Variants in MRC2 observed in about 807,000 individuals in gnomAD.
The protein encoded by MRC2 is mannose receptor C-type 2.
Under a neutral mutation model 206.2 loss-of-function variants are expected in MRC2, and 84 were observed. That is an observed-to-expected ratio of 0.41 (90% CI 0.34 to 0.49). MRC2 has a LOEUF of 0.49. Among genes scored for constraint, MRC2 ranks in the 20% least tolerant of loss-of-function variants. The pLI is 0.31. For synonymous variants in MRC2, 798 were observed against 800.0 expected, an observed-to-expected ratio of 1.00 and a Z score of 0.04; for missense variants, 1,676 against 2,001.5, an observed-to-expected ratio of 0.84 and a Z score of 3.10.
intron 1 of MRC2, among the ~76,000 whole-genome samples, chr17:62,645,897 C>G (rs1039842022): frequency 6.6e-6 from 1 of 151,884 alleles, no homozygotes; most frequent in African/African-American, 2.4e-5. Flanking sequence ...GTTCTTCTTT[C>G]ATTCAGGAAT....
chr17:62,691,113 T>C lies in MRC2; in HGVS notation c.4177T>C (p.Cys1393Arg). 1.9e-6 allele frequency: 3 copies of C among 1,606,680 alleles called. No homozygotes were observed. Among genetic ancestry groups the C allele is most frequent in the Non-Finnish European group, 2.5e-6 (3 of 1,177,470 alleles). ...CACCAACATCACCATGGGTGTCGTC[T>C]GCAAGCTTCCTCGTGGTGAGCGCCG... ...ACTNITMGVV[C>R]KLPRAEQSSF... Residue 1393 changes from cysteine to arginine, a missense_variant, in exon 28 of 30, where the codon TGC becomes CGC. Coordinates refer to ENST00000303375, the MANE Select transcript of MRC2 (RefSeq NM_006039.5).
chr17:62,634,436 G>A (rs1262941250), intron 1 of MRC2, among the ~76,000 whole-genome samples: 1 of 152,106 alleles, frequency 6.6e-6, no homozygotes, highest in Non-Finnish European at 1.5e-5. Flanking sequence ...AAGTAGCTGG[G>A]ACTGTAGGCA....
At chr17:62,645,787 G>A (rs1035942015) in intron 1 of MRC2, among the ~76,000 whole-genome samples, 10 of 151,288 alleles carry the variant, frequency 6.6e-5, no homozygotes, top group African/African-American at 2.4e-4. Context: ...CAATCCACCT[G>A]CCTCAGCTTC....
rs187923277 is a variant in MRC2, at chr17:62,676,990, T to C, written c.1835-279T>C. 3.9e-5 allele frequency among the ~76,000 whole-genome samples: 6 copies of C among 152,396 alleles called. No individual in the cohort carries two copies. In the South Asian group the frequency reaches 6.2e-4, roughly 16 times the overall value. On this transcript the variant is annotated intron_variant, in intron 11 of 29. Transcript: ENST00000303375. ...TATTATTACCATTTCACATTCATTA[T>C]CTTTCTAACCCCTTCAATAACCTGA...
chr17:62,645,527 ATT>A (rs1164231785), intron 1 of MRC2, among the ~76,000 whole-genome samples: 30 of 39,486 alleles, frequency 7.6e-4, no homozygotes, highest in East Asian at 4.0e-3. Context: ...ATATATATAT[ATT>A]TTTTTTTTTT....
In MRC2 at chr17:62,652,299, G is replaced by T. The variant is rs868731252; in HGVS notation, c.119-12249G>T. Among the ~76,000 whole-genome samples the T allele has an allele frequency of 3.3e-4, 50 of 152,376 alleles. No homozygotes were observed. The highest frequency in any genetic ancestry group is 1.2e-3 in the African/African-American group (49 of 41,596). On this transcript the variant is annotated intron_variant, in intron 1 of 29. Transcript: ENST00000303375. The surrounding 1 kb of genome is among the most constrained non-coding windows in gnomAD (Gnocchi z 4.6). The stretch of plus-strand genomic sequence containing the variant: ...GAAAGGGCAGGCGCACAACACCCCC[G>T]CACGGAGAAATGAACAGGTGTGGCT...
intron 1 of MRC2, among the ~76,000 whole-genome samples, chr17:62,658,585 C>T (rs1224688517): frequency 1.3e-5 from 2 of 152,178 alleles, no homozygotes; most frequent in East Asian, 3.8e-4. Flanking sequence ...CTTCATTCAC[C>T]GTTTGCTACA....
Position 62,688,854 on chromosome 17 carries a change from C to A in MRC2, c.3228C>A (p.Thr1076=). The A allele has an allele frequency of 1.2e-6, 2 of 1,610,060 alleles. No individual in the cohort carries two copies. Among genetic ancestry groups the A allele is most frequent in the South Asian group, 2.2e-5 (2 of 90,532 alleles). ...CCTGAGCAGCTCCCTCCCCCCAGACCAGCTGTGCAGTGGTCCTGCACAGCC... is the reference window on the plus strand; with the variant it reads ...CCTGAGCAGCTCCCTCCCCCCAGACAAGCTGTGCAGTGGTCCTGCACAGCC... ...PSPAPSGNKP[T]SCAVVLHSPS... Residue 1076 remains threonine, a splice_region_variant and synonymous_variant, in exon 23 of 30, where the codon ACC becomes ACA. Transcript: ENST00000303375.
chr17:62,629,423 C>T (rs1039599780), intron 1 of MRC2, among the ~76,000 whole-genome samples: 1 of 152,214 alleles, frequency 6.6e-6, no homozygotes, highest in Non-Finnish European at 1.5e-5. Flanking sequence ...CCTGGAGTGT[C>T]CCTCCTCCTC....
intron 1 of MRC2, among the ~76,000 whole-genome samples, chr17:62,662,400 C>G (rs2088691934): frequency 1.3e-5 from 2 of 152,196 alleles, no homozygotes; most frequent in Admixed American, 1.3e-4. Context: ...AATCTTACGA[C>G]TCTTGTCATC....
intron 6 of MRC2, among the ~76,000 whole-genome samples, chr17:62,668,877 C>A (rs1336956035): frequency 6.6e-6 from 1 of 152,160 alleles, no homozygotes; most frequent in Non-Finnish European, 1.5e-5. Flanking sequence ...GCAGCTTAGT[C>A]TCTGGGGTGC....
At chr17:62,634,854 G>A (rs1201543157) in intron 1 of MRC2, among the ~76,000 whole-genome samples, 1 of 148,152 alleles carries the variant, frequency 6.7e-6, no homozygotes, top group Non-Finnish European at 1.5e-5. Context: ...TTTTTAGGAC[G>A]GAGTCTCCCT....
chr17:62,688,542 T>C lies in MRC2; in HGVS notation c.3103T>C (p.Trp1035Arg). 6.2e-7 allele frequency: 1 copy of C among 1,614,224 alleles called. No homozygotes were observed. The highest frequency in any genetic ancestry group is 8.5e-7 in the Non-Finnish European group (1 of 1,180,022). Residue 1035 changes from tryptophan (W) to arginine (R), a missense_variant, in exon 22 of 30, where the codon TGG (tryptophan) becomes CGG (arginine). By Grantham distance (101) the Trp-to-Arg change is moderately radical. This residue lies in a region of MRC2 where 1,354 missense variants were observed against 1,636.6 expected (regional missense o/e 0.83). Coordinates refer to ENST00000303375, the MANE Select transcript of MRC2 (RefSeq NM_006039.5). ...ASLPNVTFDL[W>R]IGLHASQRDF... ...CCTGCCCAATGTGACCTTTGACCTTTGGATTGGCCTCCATGCCTCGCAGAG... is the reference window on the plus strand; with the variant it reads ...CCTGCCCAATGTGACCTTTGACCTTCGGATTGGCCTCCATGCCTCGCAGAG...
chr17:62,627,832 C>T lies in MRC2; in HGVS notation c.30C>T (p.Pro10=). ...GGCCCGGCCGGCCGGCCCCCGCGCC[C>T]TGGCCTCGTCACCTGCTGCGCTGCG... MGPGRPAPA[P]WPRHLLRCVL... is the part of the protein sequence containing the mutation. Residue 10 remains proline (P), a synonymous_variant, in exon 1 of 30, where the codon CCC becomes CCT. Transcript: ENST00000303375. The T allele has an allele frequency of 6.8e-7, 1 of 1,465,382 alleles. No homozygotes were observed. Among genetic ancestry groups the T allele is most frequent in the Admixed American group, 2.5e-5 (1 of 39,592 alleles). The allele number at this position is 1,465,382 out of a possible 1,614,324, so 90.8% of individuals were successfully genotyped here.
chr17:62,645,409 A>T (rs901886883), intron 1 of MRC2, among the ~76,000 whole-genome samples: 7 of 148,968 alleles, frequency 4.7e-5, no homozygotes, highest in African/African-American at 1.7e-4. Context: ...TCATCTCAAA[A>T]ATATATATAT....
At position 62,675,835 on chromosome 17, in the gene MRC2, C is replaced by G. The variant is rs1302473165; in HGVS notation, c.1615C>G (p.Gln539Glu). The stretch of plus-strand genomic sequence containing the variant: ...ATCCTGCTACTGGCTGGGAGAAGAC[C>G]AAGTGACCTACAGTGAGGCCCGGCG... ...SPSCYWLGED[Q>E]VTYSEARRLC... is the part of the protein sequence containing the mutation. The change falls in exon 10 of 30, where the codon CAA becomes GAA. Residue 539 changes from glutamine to glutamate, a missense_variant. Gln to Glu is a conservative substitution (Grantham distance 29, BLOSUM62 2). Around this residue, in one of 3 missense-constraint regions of MRC2, gnomAD observed 1,354 missense variants for 1,636.6 expected, o/e 0.83. Coordinates refer to ENST00000303375, the MANE Select transcript of MRC2 (RefSeq NM_006039.5). This position sits in a 1 kb window ranked among gnomAD's most constrained non-coding sequence, Gnocchi z 4.1. The G allele has an allele frequency of 1.2e-6, 2 of 1,614,056 alleles. No homozygotes were observed. The highest frequency in any genetic ancestry group is 1.7e-6 in the Non-Finnish European group (2 of 1,180,026).
chr17:62,643,202 C>T (rs1167100029), intron 1 of MRC2, among the ~76,000 whole-genome samples: 2 of 151,848 alleles, frequency 1.3e-5, no homozygotes, highest in Admixed American at 6.6e-5. Context: ...GCGGCAGGTG[C>T]CTGTAATCTC....
At chr17:62,641,620 A>G (rs1332751912) in intron 1 of MRC2, among the ~76,000 whole-genome samples, 1 of 152,226 alleles carries the variant, frequency 6.6e-6, no homozygotes, top group Non-Finnish European at 1.5e-5. Context: ...AAAAACAAAA[A>G]TGTACTTGGA....
intron 20 of MRC2, among the ~76,000 whole-genome samples, chr17:62,685,033 T>C (rs2089015601): frequency 6.6e-6 from 1 of 151,936 alleles, no homozygotes; most frequent in South Asian, 2.1e-4. Context: ...TCTCACCTAC[T>C]CGGGAGGCTG....
Sources: gnomAD v4.1 joint callset for allele counts (sites outside exome capture counted in the v4.1 genomes callset) on GRCh38, gnomAD v4.1.1 for gene constraint, gnomAD v4.1.1 regional missense constraint, Gnocchi (gnomAD v3.1) non-coding constraint, MANE v1.5 for transcripts, NCBI Gene and HGNC (gene_info 2026-07-23, HGNC 2026-07-21) for gene names.